Variants in NALF1 observed in about 807,000 individuals in gnomAD.
The protein encoded by NALF1 is family with sequence similarity 155 member A.
NALF1 carries 3 observed loss-of-function variants against 48.4 expected under a neutral mutation model. The observed-to-expected ratio is 0.06, with a 90% CI of 0.03 to 0.16. The LOEUF (loss-of-function observed/expected upper bound fraction) is 0.16. NALF1 is among the 10% of genes least tolerant of loss of function. The pLI is 1.00. For missense variants in NALF1, 526 were observed against 571.5 expected (o/e 0.92, Z 0.81); for synonymous variants, 262 against 245.7 (o/e 1.07, Z -0.62).
chr13:107,673,311 C>T (rs911869027), intron 1 of NALF1, among the ~76,000 whole-genome samples: 3 of 152,126 alleles, frequency 2.0e-5, no homozygotes, highest in Admixed American at 2.0e-4. Context: ...ACAAAATAGC[C>T]TGATGCACCA....
chr13:107,792,080 ATGT>A (rs2138588084), intron 1 of NALF1, among the ~76,000 whole-genome samples: 1 of 152,342 alleles, frequency 6.6e-6, no homozygotes, highest in Non-Finnish European at 1.5e-5. Flanking sequence ...GAATTTTAAA[ATGT>A]TGTCCCACTT....
intron 1 of NALF1, among the ~76,000 whole-genome samples, chr13:107,434,868 A>C (rs1884438838): frequency 6.6e-6 from 1 of 152,312 alleles, no homozygotes; most frequent in East Asian, 1.9e-4. Context: ...ATCATTATGA[A>C]TCTTCACATG....
chr13:107,689,768 T>C (rs1239688440), intron 1 of NALF1, among the ~76,000 whole-genome samples: 2 of 152,242 alleles, frequency 1.3e-5, no homozygotes, highest in African/African-American at 2.4e-5. Context: ...GAATGAGTTA[T>C]GGCAACTTTG....
At chr13:107,259,810 T>C (rs368683579) in intron 1 of NALF1, among the ~76,000 whole-genome samples, 3 of 152,298 alleles carry the variant, frequency 2.0e-5, no homozygotes, top group South Asian at 4.1e-4. Flanking sequence ...CAGCAGCTAC[T>C]TGAAAGCGAA....
intron 1 of NALF1, among the ~76,000 whole-genome samples, chr13:107,293,641 G>C (rs1410508533): frequency 2.0e-5 from 3 of 152,144 alleles, no homozygotes; most frequent in African/African-American, 4.8e-5. Context: ...CCATTTCATA[G>C]GCAAGCTTTA....
chr13:107,669,215 A>G (rs1215804314), intron 1 of NALF1, among the ~76,000 whole-genome samples: 6 of 152,140 alleles, frequency 3.9e-5, no homozygotes, highest in African/African-American at 9.7e-5. Context: ...GAGACTCAAT[A>G]TAATTGAGAA....
At chr13:107,590,793 G>A (rs1878583204) in intron 1 of NALF1, among the ~76,000 whole-genome samples, 1 of 151,878 alleles carries the variant, frequency 6.6e-6, no homozygotes, top group Admixed American at 6.6e-5. Flanking sequence ...ACTGAGAAGA[G>A]GCCAAGCACC....
chr13:107,663,538 T>A (rs1316552633), intron 1 of NALF1, among the ~76,000 whole-genome samples: 5 of 152,198 alleles, frequency 3.3e-5, no homozygotes, highest in African/African-American at 7.2e-5. Flanking sequence ...TTCATGTGTT[T>A]TGTTTTGTTG....
intron 1 of NALF1, among the ~76,000 whole-genome samples, chr13:107,363,344 A>G (rs1337643246): frequency 1.3e-5 from 2 of 152,192 alleles, no homozygotes; most frequent in Non-Finnish European, 2.9e-5. Context: ...CTATAATCAA[A>G]GTGCTTTGGG....
chr13:107,232,436 A>T (rs1280983791), intron 1 of NALF1, among the ~76,000 whole-genome samples: 1 of 152,190 alleles, frequency 6.6e-6, no homozygotes. Flanking sequence ...GTATTAACAG[A>T]TTCCTCCTAT....
chr13:107,184,326 C>T (rs9301194), intron 2 of NALF1, among the ~76,000 whole-genome samples: 5,752 of 152,216 alleles, frequency 0.038, 181 homozygotes, highest in African/African-American at 0.079. Context: ...TTTGCCTGAA[C>T]GGAGAAAACC....
chr13:107,701,129 T>C (rs1220961042), intron 1 of NALF1, among the ~76,000 whole-genome samples: 2 of 152,176 alleles, frequency 1.3e-5, no homozygotes, highest in African/African-American at 4.8e-5. Context: ...AATCCCTCTT[T>C]GGGGTGCATA....
chr13:107,468,920 T>C (rs1272582794), intron 1 of NALF1, among the ~76,000 whole-genome samples: 1 of 152,164 alleles, frequency 6.6e-6, no homozygotes, highest in Non-Finnish European at 1.5e-5. Flanking sequence ...AAATATATTT[T>C]ATGATTATCT....
At chr13:107,660,495 CA>C (rs71741489) in intron 1 of NALF1, among the ~76,000 whole-genome samples, 2 of 139,368 alleles carry the variant, frequency 1.4e-5, no homozygotes, top group Non-Finnish European at 3.2e-5. Flanking sequence ...AACAAAGAAA[CA>C]AAAAAACAAA....
chr13:107,339,162 C>T (rs1457599662), intron 1 of NALF1, among the ~76,000 whole-genome samples: 2 of 149,730 alleles, frequency 1.3e-5, no homozygotes, highest in African/African-American at 4.9e-5. Flanking sequence ...AAAAAAGTTA[C>T]AGCTTGAACT....
intron 1 of NALF1, among the ~76,000 whole-genome samples, chr13:107,762,558 T>C (rs530086612): frequency 6.6e-6 from 1 of 151,954 alleles, no homozygotes; most frequent in Non-Finnish European, 1.5e-5. Flanking sequence ...AAAGACATTG[T>C]GTATGGAGGT....
intron 1 of NALF1, among the ~76,000 whole-genome samples, chr13:107,345,779 T>C (rs1039971093): frequency 6.6e-6 from 1 of 152,140 alleles, no homozygotes; most frequent in African/African-American, 2.4e-5. Context: ...AATATAAAAA[T>C]AGACAACAGG....
chr13:107,854,884 G>A (rs816994), intron 1 of NALF1, among the ~76,000 whole-genome samples: 5,134 of 121,062 alleles, frequency 0.042, 248 homozygotes, highest in African/African-American at 0.14. Flanking sequence ...AAAAAAAAAA[G>A]AAAAAAAGAC....
intron 1 of NALF1, among the ~76,000 whole-genome samples, chr13:107,347,622 A>T (rs909690615): frequency 3.9e-5 from 6 of 152,232 alleles, no homozygotes; most frequent in African/African-American, 1.4e-4. Flanking sequence ...CCCAACTGTG[A>T]ATCGATGATC....
Sources: gnomAD v4.1 joint callset for allele counts (sites outside exome capture counted in the v4.1 genomes callset) on GRCh38, gnomAD v4.1.1 for gene constraint, MANE v1.5 for transcripts, NCBI Gene and HGNC (gene_info 2026-07-23, HGNC 2026-07-21) for gene names.